Variants in FABP7 observed in about 807,000 individuals in gnomAD.
The protein encoded by FABP7 is fatty acid binding protein 7.
A neutral mutation model predicts 14.2 loss-of-function variants in FABP7; 13 were observed. That is an observed-to-expected ratio of 0.91 (90% CI 0.59 to 1.45). FABP7 has a LOEUF of 1.45. Among genes scored for constraint, FABP7 ranks in the 40% most tolerant of loss-of-function variants. FABP7 has a pLI of 0.00. For synonymous variants in FABP7, 49 were observed against 51.4 expected, an observed-to-expected ratio of 0.95 and a Z score of 0.20; for missense variants, 149 against 157.6, an observed-to-expected ratio of 0.95 and a Z score of 0.29.
chr6:122,781,798 G>A (rs1006614335), intron 3 of FABP7: 9 of 741,196 alleles, frequency 1.2e-5, no homozygotes, highest in Non-Finnish European at 1.5e-5. Flanking sequence ...TGGAGTGCAG[G>A]GGGTGCATTC....
chr6:122,757,447 T>C, the FABP7 span, among the ~76,000 whole-genome samples: 3 of 152,096 alleles, frequency 2.0e-5, no homozygotes, highest in Admixed American at 2.0e-4. Flanking sequence ...TTTCTGGCCC[T>C]AGGCCCCTGT....
At chr6:122,782,121 CAT>C (rs1022350047) in intron 3 of FABP7, 1 of 984,252 alleles carries the variant, frequency 1.0e-6, no homozygotes, top group African/African-American at 1.7e-5. Flanking sequence ...GCCTTTTAAA[CAT>C]ATATATTCAA....
At chr6:122,765,206 A>G in the FABP7 span, among the ~76,000 whole-genome samples, 4 of 152,140 alleles carry the variant, frequency 2.6e-5, no homozygotes, top group African/African-American at 4.8e-5. Context: ...ATGACATTAC[A>G]GGCATCTTTT....
At chr6:122,766,887 A>T in the FABP7 span, among the ~76,000 whole-genome samples, 1 of 152,108 alleles carries the variant, frequency 6.6e-6, no homozygotes, top group Non-Finnish European at 1.5e-5. Flanking sequence ...TATTCTACAA[A>T]TTGTTACAAA....
the FABP7 span, among the ~76,000 whole-genome samples, chr6:122,752,588 T>C: frequency 6.6e-6 from 1 of 152,212 alleles, no homozygotes; most frequent in Non-Finnish European, 1.5e-5. Context: ...CTGAGGAAAC[T>C]TCTTGCATAA....
chr6:122,757,295 C>T, the FABP7 span, among the ~76,000 whole-genome samples: 1 of 152,028 alleles, frequency 6.6e-6, no homozygotes. Context: ...ATCAGTTCTC[C>T]AGCCAAAAGT....
chr6:122,770,626 A>T, the FABP7 span, among the ~76,000 whole-genome samples: 1 of 152,198 alleles, frequency 6.6e-6, no homozygotes, highest in Non-Finnish European at 1.5e-5. Flanking sequence ...GTTTTTCAAT[A>T]CAAAGTTCAG....
At chr6:122,775,257 A>C (rs1424730395), upstream of FABP7, among the ~76,000 whole-genome samples, 1 of 152,180 alleles carries the variant, frequency 6.6e-6, no homozygotes, top group Non-Finnish European at 1.5e-5. Context: ...ACCTGACTTC[A>C]AAAGATACTA....
chr6:122,773,894 AC>A, the FABP7 span, among the ~76,000 whole-genome samples: 54 of 144,712 alleles, frequency 3.7e-4, no homozygotes, highest in African/African-American at 4.5e-4. Flanking sequence ...TTTAAAAAAA[AC>A]AAACAAACAG....
At chr6:122,764,196 T>C in the FABP7 span, among the ~76,000 whole-genome samples, 1 of 152,026 alleles carries the variant, frequency 6.6e-6, no homozygotes, top group African/African-American at 2.4e-5. Context: ...CACCATGGAG[T>C]ACTATGCAGC....
intron 3 of FABP7, chr6:122,782,935 T>A (rs968044115): frequency 2.0e-6 from 2 of 985,204 alleles, no homozygotes; most frequent in Non-Finnish European, 2.4e-6. Context: ...TTTACCTCCA[T>A]TTTTTCCCAG....
upstream of FABP7, chr6:122,779,601 C>G (rs979565922): frequency 2.0e-5 from 12 of 605,710 alleles, no homozygotes; most frequent in African/African-American, 2.2e-4. Flanking sequence ...CTTCTCCTCT[C>G]TCTGTGACAG....
chr6:122,767,342 T>A, the FABP7 span, among the ~76,000 whole-genome samples: 1 of 152,090 alleles, frequency 6.6e-6, no homozygotes, highest in African/African-American at 2.4e-5. Flanking sequence ...TTATTAGGAC[T>A]GTCATGAGGC....
intron 3 of FABP7, 34 bp downstream of exon 3, chr6:122,781,228 T>C: frequency 1.2e-6 from 2 of 1,610,230 alleles, no homozygotes; most frequent in South Asian, 2.2e-5. Flanking sequence ...CTTCCTTGTT[T>C]TTTTCTCCTC....
the FABP7 span, among the ~76,000 whole-genome samples, chr6:122,766,785 C>T: frequency 3.3e-5 from 5 of 151,872 alleles, no homozygotes; most frequent in African/African-American, 1.2e-4. Flanking sequence ...TTGAAGTCCT[C>T]AGTGCAATAA....
the FABP7 span, among the ~76,000 whole-genome samples, chr6:122,763,512 T>C: frequency 6.6e-6 from 1 of 152,124 alleles, no homozygotes; most frequent in Non-Finnish European, 1.5e-5. Context: ...CCAAAAGCAA[T>C]GGCAACAAAA....
upstream of FABP7, among the ~76,000 whole-genome samples, chr6:122,775,950 A>G (rs139470948): frequency 3.3e-5 from 5 of 152,280 alleles, no homozygotes; most frequent in African/African-American, 1.2e-4. Context: ...AAAATACTCA[A>G]CACCACTAAT....
chr6:122,772,565 G>A, the FABP7 span, among the ~76,000 whole-genome samples: 1 of 152,156 alleles, frequency 6.6e-6, no homozygotes, highest in East Asian at 1.9e-4. Context: ...CTACAGGCAT[G>A]TGCCACCACA....
upstream of FABP7, among the ~76,000 whole-genome samples, chr6:122,775,532 T>C (rs1210721645): frequency 2.6e-5 from 4 of 152,052 alleles, no homozygotes; most frequent in African/African-American, 9.7e-5. Flanking sequence ...CATAGACTTA[T>C]ATATAAGACC....
Sources: allele counts gnomAD v4.1 joint callset (sites outside exome capture counted in the v4.1 genomes callset), GRCh38; gene constraint gnomAD v4.1.1; transcripts MANE v1.5; gene names NCBI Gene and HGNC (gene_info 2026-07-23, HGNC 2026-07-21).